GABRA1: variants seen among roughly 807,000 people sequenced by gnomAD.
GABRA1 encodes the protein gamma-aminobutyric acid receptor subunit alpha-1.
In GABRA1, 9 loss-of-function variants were observed where a neutral mutation model predicts 48.9. The observed-to-expected ratio is 0.18, with a 90% CI of 0.11 to 0.32. The LOEUF is 0.32. Ranked by LOEUF, GABRA1 falls within the 10% of genes least tolerant of loss-of-function variation. The pLI is 1.00. For synonymous variants in GABRA1, 210 were observed against 198.7 expected (o/e 1.06, Z -0.48); for missense variants, 285 against 553.8 (o/e 0.51, Z 4.87).
chr5:161,879,331 CA>C (rs1261413562), intron 6 of GABRA1, among the ~76,000 whole-genome samples: 2 of 152,140 alleles, frequency 1.3e-5, no homozygotes, highest in Non-Finnish European at 2.9e-5. Context: ...ACACTGGTCT[CA>C]AACCCCTGGG....
rs976585513 is a variant in GABRA1, at chr5:161,897,255, C to T, written c.1204C>T (p.Pro402Ser). Residue 402 changes from proline (P) to serine (S), a missense_variant, in exon 10 of 10, where the codon CCC becomes TCC. Pro to Ser is a moderately conservative substitution (Grantham distance 74). This residue lies in a region of GABRA1 where 99 missense variants were observed against 94.2 expected (regional missense o/e 1.05). Transcript: ENST00000393943. ...SATIEPKEVK[P>S]ETKPPEPKKT... Reference sequence around the variant, plus strand: ...AACCATAGAACCTAAAGAGGTCAAGCCCGAAACAAAACCACCAGAACCCAA... The same window carrying T: ...AACCATAGAACCTAAAGAGGTCAAGTCCGAAACAAAACCACCAGAACCCAA... 8.7e-6 allele frequency: 14 copies of T among 1,614,142 alleles called. No individual in the cohort carries two copies. Among genetic ancestry groups the T allele is most frequent in the Middle Eastern group, 1.6e-4 (1 of 6,062 alleles).
At chr5:161,863,349 C>T (rs1469366977) in intron 3 of GABRA1, among the ~76,000 whole-genome samples, 6 of 151,920 alleles carry the variant, frequency 3.9e-5, no homozygotes, top group Non-Finnish European at 8.8e-5. Context: ...GCAGGCTGTA[C>T]AAGCATGACA....
chr5:161,852,840 G>A (rs753815042), intron 2 of GABRA1, among the ~76,000 whole-genome samples: 7 of 151,800 alleles, frequency 4.6e-5, no homozygotes, highest in East Asian at 1.9e-4. Context: ...GCATTTTGCC[G>A]ATACGAAATT....
intron 4 of GABRA1, among the ~76,000 whole-genome samples, chr5:161,868,131 T>C (rs767577971): frequency 6.6e-6 from 1 of 152,010 alleles, no homozygotes; most frequent in Non-Finnish European, 1.5e-5. Context: ...TATAAGACAA[T>C]AGGGTAGAAG....
chr5:161,886,680 A>G (rs11957740), intron 7 of GABRA1, among the ~76,000 whole-genome samples: 56,117 of 151,612 alleles, frequency 0.37, 10,653 homozygotes, highest in East Asian at 0.53. Flanking sequence ...GGAGGCCAAG[A>G]TGGGAGGATC....
intron 3 of GABRA1, among the ~76,000 whole-genome samples, chr5:161,861,442 C>T (rs907179487): frequency 2.0e-5 from 3 of 151,822 alleles, no homozygotes; most frequent in Non-Finnish European, 4.4e-5. Context: ...GGTAATTTAT[C>T]AGTGGAAATA....
chr5:161,869,025 G>T (rs1459635538), intron 4 of GABRA1, among the ~76,000 whole-genome samples: 1 of 152,124 alleles, frequency 6.6e-6, no homozygotes, highest in Non-Finnish European at 1.5e-5. Context: ...CCACTGGTTT[G>T]CTAGTAGCTG....
chr5:161,856,094 C>A (rs1020339163), intron 3 of GABRA1, among the ~76,000 whole-genome samples: 2 of 151,174 alleles, frequency 1.3e-5, no homozygotes, highest in African/African-American at 4.8e-5. Flanking sequence ...TATACTTTAA[C>A]CCATTCATCA....
Position 161,898,781 on chromosome 5 carries a change from T to C in GABRA1, c.*1359T>C, listed in dbSNP as rs1164629079. On this transcript the variant is annotated 3_prime_UTR_variant, in exon 10 of 10. Transcript: ENST00000393943. ...TAGAAAATGAACTGTATATTATTGC[T>C]ATATTTGCTAATACCAACTATTTCA... 1 of 152,602 alleles carries C rather than the reference T, an allele frequency of 6.6e-6. No individual in the cohort carries two copies. The highest frequency in any genetic ancestry group is 1.5e-5 in the Non-Finnish European group (1 of 67,986). The allele number at this position is 152,602 out of a possible 1,614,324, so 9.5% of individuals were successfully genotyped here. A position where few individuals can be genotyped will look rare whatever the true frequency, so the allele number is the denominator to read the frequency against.
In GABRA1 at chr5:161,899,102, A is replaced by C. The variant is rs1178702975; in HGVS notation, c.*1680A>C. On this transcript the variant is annotated 3_prime_UTR_variant, in exon 10 of 10. Coordinates refer to ENST00000393943, the MANE Select transcript of GABRA1 (RefSeq NM_001127644.2). ...TTAAATTTAGTGCTCAGAATCCACAAGTCACGGTCTAAACACACTTAGAAT... is the reference window on the plus strand; with the variant it reads ...TTAAATTTAGTGCTCAGAATCCACACGTCACGGTCTAAACACACTTAGAAT... The C allele has an allele frequency of 6.6e-6, 1 of 152,568 alleles. No individual in the cohort carries two copies. Among genetic ancestry groups the C allele is most frequent in the Non-Finnish European group, 1.5e-5 (1 of 67,998 alleles). 9.5% of individuals were successfully genotyped at this position (152,568 alleles called of 1,614,324 possible).
At chr5:161,888,105 G>T (rs1754928345) in intron 7 of GABRA1, among the ~76,000 whole-genome samples, 1 of 152,086 alleles carries the variant, frequency 6.6e-6, no homozygotes, top group African/African-American at 2.4e-5. Flanking sequence ...TAATTTGCAA[G>T]CTTCCTTCAG....
At position 161,879,738 on chromosome 5, in the gene GABRA1, G is replaced by T. The variant is rs1754530265; in HGVS notation, c.560-2820G>T. On this transcript the variant is annotated intron_variant, in intron 6 of 9. Transcript: ENST00000393943. ...AATGAGTCATCTGCACCTTCACAATGATGTCATGTTTGTAGTAGATGGCCT... is the reference window on the plus strand; with the variant it reads ...AATGAGTCATCTGCACCTTCACAATTATGTCATGTTTGTAGTAGATGGCCT... Among the ~76,000 whole-genome samples the T allele has an allele frequency of 2.6e-5, 4 of 152,236 alleles. No individual in the cohort carries two copies. In the South Asian group the frequency reaches 8.3e-4, roughly 32 times the overall value.
At chr5:161,860,794 A>G (rs1214140445) in intron 3 of GABRA1, among the ~76,000 whole-genome samples, 1 of 151,816 alleles carries the variant, frequency 6.6e-6, no homozygotes, top group Non-Finnish European at 1.5e-5. Context: ...ATTAGAAATG[A>G]AACATTTACA....
In GABRA1 at chr5:161,853,957, C is replaced by T. The variant is rs574921179; in HGVS notation, c.75-201C>T. Among the ~76,000 whole-genome samples, 7 of 151,734 alleles carry T rather than the reference C, an allele frequency of 4.6e-5. No individual in the cohort carries two copies. The East Asian group carries it at 9.7e-4, about 21-fold the overall frequency. On this transcript the variant is annotated intron_variant, in intron 2 of 9. Coordinates refer to ENST00000393943, the MANE Select transcript of GABRA1 (RefSeq NM_001127644.2). The stretch of plus-strand genomic sequence containing the variant: ...GTCATTTCTTACAATTTTCCTTTCA[C>T]ATTTAAAAACTGAAAATTAAAAATA...
At position 161,897,994 on chromosome 5, in the gene GABRA1, A is replaced by G. The variant is rs1004065858; in HGVS notation, c.*572A>G. ...GATCCCCATTCTTTCTCTTTGAAAAAAAAAAAGGCCTAATGCATTATTTTG... is the reference window on the plus strand; with the variant it reads ...GATCCCCATTCTTTCTCTTTGAAAAGAAAAAAGGCCTAATGCATTATTTTG... On this transcript the variant is annotated 3_prime_UTR_variant, in exon 10 of 10. Coordinates refer to ENST00000393943, the MANE Select transcript of GABRA1 (RefSeq NM_001127644.2). 7.2e-5 allele frequency: 11 copies of G among 152,120 alleles called. No homozygotes were observed. Among genetic ancestry groups the G allele is most frequent in the African/African-American group, 2.7e-4 (11 of 41,398 alleles). The allele number at this position is 152,120 out of a possible 1,614,324, so 9.4% of individuals were successfully genotyped here.
At chr5:161,849,048 G>A (rs1166119669) in intron 1 of GABRA1, 2 of 448,248 alleles carry the variant, frequency 4.5e-6, no homozygotes, top group Non-Finnish European at 9.0e-6. Context: ...AACGTTTGGA[G>A]CGTGTGTCTG....
chr5:161,864,039 T>A (rs1262765458), intron 3 of GABRA1, among the ~76,000 whole-genome samples: 1 of 151,926 alleles, frequency 6.6e-6, no homozygotes, highest in Non-Finnish European at 1.5e-5. Flanking sequence ...TGAAAGAATT[T>A]CTTGGGTATG....
At chr5:161,856,911 A>G (rs1448176069) in intron 3 of GABRA1, among the ~76,000 whole-genome samples, 7 of 151,214 alleles carry the variant, frequency 4.6e-5, no homozygotes, top group Non-Finnish European at 8.9e-5. Context: ...TATTAAGTTG[A>G]CATTATTGTG....
chr5:161,857,079 A>G (rs575785263), intron 3 of GABRA1, among the ~76,000 whole-genome samples: 8 of 151,216 alleles, frequency 5.3e-5, no homozygotes, highest in Admixed American at 2.0e-4. Context: ...CCTCCAGATG[A>G]AAAGACTATG....
Sources: gnomAD v4.1 joint callset for allele counts (sites outside exome capture counted in the v4.1 genomes callset) on GRCh38, gnomAD v4.1.1 for gene constraint, gnomAD v4.1.1 regional missense constraint, MANE v1.5 for transcripts, NCBI Gene and HGNC (gene_info 2026-07-23, HGNC 2026-07-21) for gene names.